The following CDC42BPA variants were observed in gnomAD, a reference collection of about 807,000 sequenced individuals.
CDC42BPA encodes the protein serine/threonine-protein kinase MRCK alpha.
CDC42BPA carries 80 observed loss-of-function variants against 223.5 expected under a neutral mutation model. That is an observed-to-expected ratio of 0.36 (90% CI 0.30 to 0.43). The LOEUF (loss-of-function observed/expected upper bound fraction) is 0.43. CDC42BPA is among the 20% of genes least tolerant of loss of function. The probability of loss-of-function intolerance (pLI) is 1.00; values close to 1 mark genes in which losing one functional copy is unlikely to be tolerated. For missense variants in CDC42BPA, 1,743 were observed against 2,099.9 expected, an observed-to-expected ratio of 0.83 and a Z score of 3.32; for synonymous variants, 694 against 718.6, an observed-to-expected ratio of 0.97 and a Z score of 0.55.
At position 226,994,243 on chromosome 1, in the gene CDC42BPA, C is replaced by A. The variant is rs768177493; in HGVS notation, c.*25G>T. 3 of 1,554,268 alleles carry A rather than the reference C, an allele frequency of 1.9e-6. No individual in the cohort carries two copies. The Admixed American group carries it at 5.8e-5, about 30-fold the overall frequency. Reference sequence around the variant, plus strand: ...GAGGCGAGTGGCAGGGAGCGGAGAGCGAGAGGTCCCAGTGCTGAGGCAGCT... The same window carrying A: ...GAGGCGAGTGGCAGGGAGCGGAGAGAGAGAGGTCCCAGTGCTGAGGCAGCT... On this transcript the variant is annotated 3_prime_UTR_variant, in exon 37 of 37. Coordinates refer to ENST00000366766, the MANE Select transcript of CDC42BPA (RefSeq NM_001394014.1). This position sits in a 1 kb window ranked among gnomAD's most constrained non-coding sequence, Gnocchi z 4.0.
chr1:227,266,209 A>G (rs1684967122), intron 1 of CDC42BPA, among the ~76,000 whole-genome samples: 1 of 152,134 alleles, frequency 6.6e-6, no homozygotes, highest in Non-Finnish European at 1.5e-5. Flanking sequence ...ATCTGTGTGA[A>G]ACTTGCTTTA....
At chr1:227,004,797 G>A in intron 35 of CDC42BPA, 197 bp downstream of exon 35, 1 of 699,038 alleles carries the variant, frequency 1.4e-6, no homozygotes, top group Admixed American at 1.9e-5. Context: ...GTACACTCTA[G>A]AAGGACTCTG....
intron 5 of CDC42BPA, among the ~76,000 whole-genome samples, chr1:227,166,514 G>C (rs965509734): frequency 6.6e-6 from 1 of 152,090 alleles, no homozygotes; most frequent in African/African-American, 2.4e-5. Flanking sequence ...TTATCACCTC[G>C]AGCAAAAGAA....
In CDC42BPA at chr1:227,003,364, G is replaced by A. The variant is rs191924300; in HGVS notation, c.4975+1630C>T. Among the ~76,000 whole-genome samples, 28 of 150,694 alleles carry A rather than the reference G, an allele frequency of 1.9e-4. No individual in the cohort carries two copies. The East Asian group carries it at 5.3e-3, about 29-fold the overall frequency. On this transcript the variant is annotated intron_variant, in intron 35 of 36. Transcript: ENST00000366766. ...TGCACTTACGCTGGCACACTCGATC[G>A]ACACTCTCTCTGATCTCCAAGCAAG...
At chr1:227,201,047 T>C (rs1671663456) in intron 3 of CDC42BPA, among the ~76,000 whole-genome samples, 1 of 152,232 alleles carries the variant, frequency 6.6e-6, no homozygotes, top group African/African-American at 2.4e-5. Context: ...TTCAAATTGA[T>C]TTTTTAAAGT....
chr1:227,242,581 C>A (rs1657030381), intron 2 of CDC42BPA, among the ~76,000 whole-genome samples: 1 of 151,708 alleles, frequency 6.6e-6, no homozygotes, highest in African/African-American at 2.4e-5. Context: ...TTTTTAAAGC[C>A]AATTGTATTT....
chr1:227,286,386 A>C (rs1688808297), intron 1 of CDC42BPA, among the ~76,000 whole-genome samples: 1 of 152,228 alleles, frequency 6.6e-6, no homozygotes, highest in Non-Finnish European at 1.5e-5. Context: ...GACACAATGC[A>C]GTCAAGTTCT....
rs1309498246 is a variant in CDC42BPA at position 227,230,812 on chromosome 1, C to CT, written c.271-17594dup. ...GCTAACTGATTTCTATTTCTTTTTT[C>CT]TTTCTTTCTTTTTTTTTTTTTTTTT... On this transcript the variant is annotated intron_variant, in intron 2 of 36. Coordinates refer to ENST00000366766, the MANE Select transcript of CDC42BPA (RefSeq NM_001394014.1). 4.9e-3 allele frequency among the ~76,000 whole-genome samples: 543 copies of CT among 111,608 alleles called. 17 individuals are homozygous for CT. The highest frequency in any genetic ancestry group is 8.2e-3 in the East Asian group (31 of 3,760). The allele number at this position is 111,608 out of a possible 152,430, so 73.2% of individuals were successfully genotyped here. A position where few individuals can be genotyped will look rare whatever the true frequency, so the allele number is the denominator to read the frequency against.
chr1:227,236,808 C>T (rs965285539), intron 2 of CDC42BPA, among the ~76,000 whole-genome samples: 1 of 152,060 alleles, frequency 6.6e-6, no homozygotes, highest in Non-Finnish European at 1.5e-5. Flanking sequence ...TGGCTCATGC[C>T]TGTAATCCCA....
At chr1:227,247,826 G>T (rs1451877362) in intron 2 of CDC42BPA, among the ~76,000 whole-genome samples, 2 of 151,316 alleles carry the variant, frequency 1.3e-5, no homozygotes, top group African/African-American at 4.9e-5. Context: ...AGGCTGCAGT[G>T]AGCCGAGATC....
At chr1:227,236,516 AT>A (rs1210020848) in intron 2 of CDC42BPA, among the ~76,000 whole-genome samples, 3 of 150,020 alleles carry the variant, frequency 2.0e-5, no homozygotes, top group Non-Finnish European at 4.4e-5. Flanking sequence ...TTTAAAAATA[AT>A]TTGTAAGACA....
At chr1:227,195,191 T>C (rs985815227) in intron 4 of CDC42BPA, among the ~76,000 whole-genome samples, 2 of 151,890 alleles carry the variant, frequency 1.3e-5, no homozygotes, top group African/African-American at 2.4e-5. Flanking sequence ...AGGCCCAACG[T>C]TTTTGTTTGT....
chr1:227,207,272 T>C (rs953954739), intron 3 of CDC42BPA, among the ~76,000 whole-genome samples: 5 of 151,738 alleles, frequency 3.3e-5, no homozygotes, highest in Admixed American at 3.3e-4. Flanking sequence ...TCTTCACTTT[T>C]TATGGCTGCA....
chr1:227,116,743 C>A (rs1414908601), intron 12 of CDC42BPA, among the ~76,000 whole-genome samples: 2 of 152,014 alleles, frequency 1.3e-5, no homozygotes, highest in East Asian at 1.9e-4. Context: ...GAAACCTGGG[C>A]TAAATGAAAG....
intron 5 of CDC42BPA, among the ~76,000 whole-genome samples, chr1:227,162,554 T>G (rs11578079): frequency 6.6e-6 from 1 of 152,142 alleles, no homozygotes; most frequent in African/African-American, 2.4e-5. Flanking sequence ...GGTGTGATAG[T>G]TCATGCCTAT....
chr1:227,013,912 T>C (rs992168697), intron 34 of CDC42BPA, among the ~76,000 whole-genome samples: 3 of 152,160 alleles, frequency 2.0e-5, no homozygotes, highest in African/African-American at 7.2e-5. Flanking sequence ...AAAGTTTAAT[T>C]AAAATACTAC....
At chr1:227,001,732 C>A (rs1283044206) in intron 35 of CDC42BPA, among the ~76,000 whole-genome samples, 1 of 151,958 alleles carries the variant, frequency 6.6e-6, no homozygotes, top group Non-Finnish European at 1.5e-5. Flanking sequence ...CATGGTGAAA[C>A]CCCGTCTCTA....
chr1:227,092,943 A>C (rs1332582430), intron 15 of CDC42BPA, among the ~76,000 whole-genome samples: 1 of 152,196 alleles, frequency 6.6e-6, no homozygotes, highest in Non-Finnish European at 1.5e-5. Flanking sequence ...ACACTCTACC[A>C]TAATCACGAA....
intron 16 of CDC42BPA, among the ~76,000 whole-genome samples, chr1:227,087,866 T>C (rs935911796): frequency 1.3e-5 from 2 of 152,218 alleles, no homozygotes; most frequent in Non-Finnish European, 1.5e-5. Context: ...GAGAGTTGTA[T>C]GTGCAGCATC....
Sources: gnomAD v4.1 joint callset for allele counts (sites outside exome capture counted in the v4.1 genomes callset) on GRCh38, gnomAD v4.1.1 for gene constraint, Gnocchi (gnomAD v3.1) non-coding constraint, MANE v1.5 for transcripts, NCBI Gene and HGNC (gene_info 2026-07-23, HGNC 2026-07-21) for gene names.